Variants in GPC6 observed in about 807,000 individuals in gnomAD.
GPC6 encodes the protein glypican-6.
Under a neutral mutation model 55.2 loss-of-function variants are expected in GPC6, and 14 were observed. That is an observed-to-expected ratio of 0.25 (90% CI 0.17 to 0.40). The LOEUF is 0.40. GPC6 is among the 10% of genes least tolerant of loss of function. The pLI, the probability that GPC6 is intolerant of heterozygous loss-of-function variation, is 1.00. For missense variants in GPC6, 641 were observed against 708.5 expected, an observed-to-expected ratio of 0.90 and a Z score of 1.08; for synonymous variants, 278 against 259.6, an observed-to-expected ratio of 1.07 and a Z score of -0.68.
chr13:93,630,420 A>G (rs1237745797), intron 2 of GPC6, among the ~76,000 whole-genome samples: 1 of 152,100 alleles, frequency 6.6e-6, no homozygotes, highest in Non-Finnish European at 1.5e-5. Flanking sequence ...GACATATCTT[A>G]ATTCCTTTCA....
At chr13:94,314,541 G>A (rs1876421327) in intron 6 of GPC6, among the ~76,000 whole-genome samples, 1 of 152,194 alleles carries the variant, frequency 6.6e-6, no homozygotes, top group Non-Finnish European at 1.5e-5. Flanking sequence ...GATTATGGAA[G>A]TCTGGATAGA....
At chr13:94,193,695 A>G (rs938616725) in intron 4 of GPC6, among the ~76,000 whole-genome samples, 4 of 152,240 alleles carry the variant, frequency 2.6e-5, no homozygotes, top group African/African-American at 7.2e-5. Context: ...GCCCGACTAC[A>G]AAGAAAATCA....
chr13:94,002,251 G>T (rs1881839318), intron 3 of GPC6, among the ~76,000 whole-genome samples: 1 of 151,970 alleles, frequency 6.6e-6, no homozygotes, highest in Non-Finnish European at 1.5e-5. Flanking sequence ...CTAAAATTTA[G>T]TCAAGCAGAA....
intron 3 of GPC6, among the ~76,000 whole-genome samples, chr13:93,944,156 G>C (rs1878871260): frequency 6.6e-6 from 1 of 151,326 alleles, no homozygotes; most frequent in Admixed American, 6.6e-5. Flanking sequence ...ACAAATTCCA[G>C]TTTCTTCCTT....
chr13:93,694,025 G>A (rs1319694855), intron 2 of GPC6, among the ~76,000 whole-genome samples: 1 of 152,112 alleles, frequency 6.6e-6, no homozygotes, highest in Admixed American at 6.6e-5. Flanking sequence ...AACTCTCATT[G>A]AAATATCCAT....
chr13:93,430,998 A>G (rs1351822301), intron 1 of GPC6, among the ~76,000 whole-genome samples: 1 of 152,132 alleles, frequency 6.6e-6, no homozygotes, highest in Admixed American at 6.6e-5. Context: ...AGACCTTTGT[A>G]TTAAAAGATT....
At chr13:94,139,987 G>T (rs1887318792) in intron 4 of GPC6, among the ~76,000 whole-genome samples, 2 of 151,274 alleles carry the variant, frequency 1.3e-5, no homozygotes, top group Non-Finnish European at 1.5e-5. Flanking sequence ...ATGTAAAAGA[G>T]AATTTATATT....
chr13:94,347,654 G>T (rs1356214989), intron 6 of GPC6, among the ~76,000 whole-genome samples: 1 of 152,194 alleles, frequency 6.6e-6, no homozygotes, highest in Non-Finnish European at 1.5e-5. Context: ...GAGGCCATTG[G>T]AAGTAAGGTC....
chr13:94,155,313 A>C (rs558961618), intron 4 of GPC6, among the ~76,000 whole-genome samples: 1 of 152,114 alleles, frequency 6.6e-6, no homozygotes, highest in Non-Finnish European at 1.5e-5. Context: ...ACGAGTTATC[A>C]TCTGGATTCT....
chr13:93,596,764 GTA>G (rs1052942655), intron 2 of GPC6, among the ~76,000 whole-genome samples: 2 of 147,976 alleles, frequency 1.4e-5, no homozygotes, highest in Non-Finnish European at 3.0e-5. Context: ...ATGTATATGT[GTA>G]TATATACACA....
chr13:93,462,665 AAG>A (rs1878738798), intron 1 of GPC6, among the ~76,000 whole-genome samples: 1 of 152,068 alleles, frequency 6.6e-6, no homozygotes, highest in Admixed American at 6.6e-5. Context: ...AGGAATAAAA[AAG>A]AAATGCCAAG....
At chr13:93,288,024 T>G (rs539060229) in intron 1 of GPC6, among the ~76,000 whole-genome samples, 1 of 152,306 alleles carries the variant, frequency 6.6e-6, no homozygotes, top group East Asian at 1.9e-4. Flanking sequence ...GTTTTGATTT[T>G]AAGTAAAATT....
chr13:93,864,944 A>C (rs1318210413), intron 3 of GPC6, among the ~76,000 whole-genome samples: 1 of 151,732 alleles, frequency 6.6e-6, no homozygotes. Context: ...ATTTTGTGTA[A>C]AGATAATCAA....
At chr13:93,504,280 A>T (rs904695316) in intron 1 of GPC6, among the ~76,000 whole-genome samples, 46 of 152,148 alleles carry the variant, frequency 3.0e-4, no homozygotes, top group Non-Finnish European at 4.0e-4. Flanking sequence ...AGTTATTAGA[A>T]TTAGCAAATA....
At chr13:93,868,968 G>A (rs1015072766) in intron 3 of GPC6, among the ~76,000 whole-genome samples, 2 of 151,754 alleles carry the variant, frequency 1.3e-5, no homozygotes, top group African/African-American at 4.8e-5. Flanking sequence ...TTTATGTAGT[G>A]CTCAATTGAG....
intron 4 of GPC6, among the ~76,000 whole-genome samples, chr13:94,223,741 C>T (rs893750124): frequency 3.3e-5 from 5 of 152,138 alleles, no homozygotes; most frequent in Admixed American, 1.3e-4. Flanking sequence ...GTAGCTTCAA[C>T]AAACTAAAAA....
intron 4 of GPC6, among the ~76,000 whole-genome samples, chr13:94,210,415 C>T (rs553263908): frequency 1.3e-4 from 20 of 150,026 alleles, no homozygotes; most frequent in East Asian, 1.0e-3. Flanking sequence ...CCTCAGCCTC[C>T]GAAAGTGCTG....
intron 1 of GPC6, among the ~76,000 whole-genome samples, chr13:93,303,818 T>C (rs1414766150): frequency 6.6e-6 from 1 of 151,138 alleles, no homozygotes; most frequent in Non-Finnish European, 1.5e-5. Flanking sequence ...AGAGTTTCAA[T>C]AAAGGCAAAA....
chr13:94,128,214 T>G (rs1449340035), intron 4 of GPC6, among the ~76,000 whole-genome samples: 1 of 152,198 alleles, frequency 6.6e-6, no homozygotes, highest in Non-Finnish European at 1.5e-5. Context: ...ACACTCATCA[T>G]CTTTTGGGTG....
Sources: gnomAD v4.1 joint callset for allele counts (sites outside exome capture counted in the v4.1 genomes callset) on GRCh38, gnomAD v4.1.1 for gene constraint, MANE v1.5 for transcripts, NCBI Gene and HGNC (gene_info 2026-07-23, HGNC 2026-07-21) for gene names.